The following FAM168B variants were observed in gnomAD, a reference collection of about 807,000 sequenced individuals.
FAM168B encodes family with sequence similarity 168 member B.
In FAM168B, 19 loss-of-function variants were observed where a neutral mutation model predicts 21.8. That is an observed-to-expected ratio of 0.87 (90% CI 0.61 to 1.28). FAM168B has a LOEUF of 1.28. Ranked by LOEUF, FAM168B falls within the 50% of genes most tolerant of loss-of-function variation. The pLI is 0.00. For synonymous variants in FAM168B, 126 were observed against 104.8 expected (o/e 1.20, Z -1.24); for missense variants, 233 against 263.1 (o/e 0.89, Z 0.79).
At chr2:131,062,386 C>T (rs999395609) in intron 3 of FAM168B, among the ~76,000 whole-genome samples, 3 of 152,188 alleles carry the variant, frequency 2.0e-5, no homozygotes, top group African/African-American at 7.2e-5. Context: ...CTACTGGAAG[C>T]CTCCCACTGC....
intron 1 of FAM168B, among the ~76,000 whole-genome samples, chr2:131,085,331 C>G (rs1267207514): frequency 6.6e-6 from 1 of 152,112 alleles, no homozygotes; most frequent in Non-Finnish European, 1.5e-5. Flanking sequence ...CATTTTATGT[C>G]TGTCTTCCCC....
chr2:131,057,159 C>A (rs1474374848), intron 3 of FAM168B, among the ~76,000 whole-genome samples: 1 of 152,182 alleles, frequency 6.6e-6, no homozygotes, highest in African/African-American at 2.4e-5. Context: ...GAGACACATC[C>A]CGCAACATCC....
In FAM168B at chr2:131,052,962, C is replaced by G; in HGVS notation, c.529G>C (p.Val177Leu). The G allele has an allele frequency of 6.4e-7, 1 of 1,562,270 alleles. No individual in the cohort carries two copies. Among genetic ancestry groups the G allele is most frequent in the Non-Finnish European group, 8.7e-7 (1 of 1,152,906 alleles). Residue 177 changes from valine (V) to leucine (L), a missense_variant, in exon 6 of 7, where the codon GTG becomes CTG. Transcript: ENST00000389915. ...PTPVAPHPVTVPTYRAPGTPT... is the reference protein window; with the variant it reads ...PTPVAPHPVTLPTYRAPGTPT... Reference sequence around the variant, plus strand: ...GTTCCTGGGGCCCGGTACGTGGGCACAGTGACCGGGTGGGGGGCGACAGGA... The same window carrying G: ...GTTCCTGGGGCCCGGTACGTGGGCAGAGTGACCGGGTGGGGGGCGACAGGA...
chr2:131,060,433 T>A (rs1237774009), intron 3 of FAM168B, among the ~76,000 whole-genome samples: 1 of 152,232 alleles, frequency 6.6e-6, no homozygotes, highest in Non-Finnish European at 1.5e-5. Context: ...AATCACTCTT[T>A]TGAAGTCAAA....
chr2:131,053,346 T>C (rs1354839474), intron 5 of FAM168B, among the ~76,000 whole-genome samples: 5 of 152,144 alleles, frequency 3.3e-5, no homozygotes, highest in African/African-American at 1.2e-4. Flanking sequence ...TGCTACAATA[T>C]AGATGAACCT....
intron 3 of FAM168B, among the ~76,000 whole-genome samples, chr2:131,062,846 A>G (rs1692372628): frequency 6.6e-6 from 1 of 152,252 alleles, no homozygotes; most frequent in Admixed American, 6.5e-5. Context: ...CTCAGCATGC[A>G]ATGCATGGGA....
At chr2:131,084,879 C>T (rs1032510572) in intron 1 of FAM168B, among the ~76,000 whole-genome samples, 107 of 152,126 alleles carry the variant, frequency 7.0e-4, no homozygotes, top group Non-Finnish European at 2.4e-4. Context: ...TGCATCGCCA[C>T]GTCTGGCTCA....
At chr2:131,067,253 GATT>G (rs1187646030) in intron 3 of FAM168B, among the ~76,000 whole-genome samples, 1 of 152,176 alleles carries the variant, frequency 6.6e-6, no homozygotes, top group African/African-American at 2.4e-5. Context: ...TCCATTCCCA[GATT>G]CTGAAAAACA....
intron 1 of FAM168B, among the ~76,000 whole-genome samples, chr2:131,090,134 CG>C (rs1693931638): frequency 7.2e-6 from 1 of 137,980 alleles, no homozygotes; most frequent in South Asian, 2.3e-4. Context: ...AGTGAAACCC[CG>C]TCTCTACCAA....
Position 131,051,446 on chromosome 2 carries a change from GCCTA to G in FAM168B, c.*1015_*1018del. 1.0e-6 allele frequency: 1 copy of G among 982,566 alleles called. No individual in the cohort carries two copies. Among genetic ancestry groups the G allele is most frequent in the Non-Finnish European group, 1.2e-6 (1 of 829,564 alleles). 60.9% of individuals were successfully genotyped at this position (982,566 alleles called of 1,614,324 possible). Reference sequence around the variant, plus strand: ...TTCTTTGTTGGGGAAAAACAGCAATGCCTACCTGTTTTCAGCTGATTCAAACATT... The same window carrying G: ...TTCTTTGTTGGGGAAAAACAGCAATGCCTGTTTTCAGCTGATTCAAACATT... On this transcript the variant is annotated 3_prime_UTR_variant, in exon 7 of 7. Coordinates refer to ENST00000389915, the MANE Select transcript of FAM168B (RefSeq NM_001009993.4).
Position 131,050,059 on chromosome 2 carries a change from T to C in FAM168B, c.*2406A>G. On this transcript the variant is annotated 3_prime_UTR_variant, in exon 7 of 7. Coordinates refer to ENST00000389915, the MANE Select transcript of FAM168B (RefSeq NM_001009993.4). ...ACTTATTTCATAAAGCCTCTCAACT[T>C]CATAAAAGGGAAAAAAGGTTAAGTT... 1 of 985,410 alleles carries C rather than the reference T, an allele frequency of 1.0e-6. No homozygotes were observed. 61.0% of individuals were successfully genotyped at this position (985,410 alleles called of 1,614,324 possible). A position where few individuals can be genotyped will look rare whatever the true frequency, so the allele number is the denominator to read the frequency against.
At chr2:131,057,104 G>A (rs1272034556) in intron 3 of FAM168B, among the ~76,000 whole-genome samples, 1 of 152,154 alleles carries the variant, frequency 6.6e-6, no homozygotes, top group Non-Finnish European at 1.5e-5. Flanking sequence ...GAGGGGTGGA[G>A]CACTCACACA....
chr2:131,053,198 C>T (rs1180207966), intron 5 of FAM168B, among the ~76,000 whole-genome samples, 183 bp from the exon 6 acceptor site: 2 of 152,250 alleles, frequency 1.3e-5, no homozygotes, highest in South Asian at 2.1e-4. Context: ...TGTCTCCACA[C>T]AGCAAGCTCC....
intron 1 of FAM168B, among the ~76,000 whole-genome samples, chr2:131,089,082 T>G (rs974371523): frequency 3.9e-5 from 6 of 152,010 alleles, no homozygotes; most frequent in African/African-American, 1.4e-4. Flanking sequence ...TTCTCCTGTC[T>G]CAGCCTCCTG....
intron 3 of FAM168B, among the ~76,000 whole-genome samples, chr2:131,063,212 G>A (rs1389160989): frequency 6.6e-6 from 1 of 151,908 alleles, no homozygotes; most frequent in Non-Finnish European, 1.5e-5. Flanking sequence ...TCCATATATA[G>A]GTGATCACTG....
chr2:131,050,870 C>T lies in FAM168B; in HGVS notation c.*1595G>A, dbSNP rs114987054. On this transcript the variant is annotated 3_prime_UTR_variant, in exon 7 of 7. Coordinates refer to ENST00000389915, the MANE Select transcript of FAM168B (RefSeq NM_001009993.4). ...AACCACCACTGCACTGGGAAGAAGA[C>T]GCACGCTCCTGCCCTAGAGGCCGCT... 4.4e-3 allele frequency: 4,319 copies of T among 985,526 alleles called. 150 individuals carry two copies. The African/African-American group carries it at 0.07, about 16-fold the overall frequency. The allele number at this position is 985,526 out of a possible 1,614,324, so 61.0% of individuals were successfully genotyped here.
chr2:131,054,063 G>A (rs1045909700), intron 5 of FAM168B, among the ~76,000 whole-genome samples: 1 of 151,844 alleles, frequency 6.6e-6, no homozygotes, highest in Non-Finnish European at 1.5e-5. Context: ...AAAAATATTA[G>A]GCAGGCATGG....
At chr2:131,069,898 G>T (rs761138491) in intron 3 of FAM168B, among the ~76,000 whole-genome samples, 2 of 151,160 alleles carry the variant, frequency 1.3e-5, no homozygotes, top group Non-Finnish European at 2.9e-5. Context: ...TCACCCTGTC[G>T]CCCAGGCTGG....
At chr2:131,074,138 C>T (rs913447433) in intron 2 of FAM168B, among the ~76,000 whole-genome samples, 2 of 151,250 alleles carry the variant, frequency 1.3e-5, no homozygotes, top group Non-Finnish European at 1.5e-5. Context: ...AGTATTCTCT[C>T]TTTTTTTTTG....
Sources: allele counts gnomAD v4.1 joint callset (sites outside exome capture counted in the v4.1 genomes callset), GRCh38; gene constraint gnomAD v4.1.1; transcripts MANE v1.5; gene names NCBI Gene and HGNC (gene_info 2026-07-23, HGNC 2026-07-21).